The following TMEM135 variants were observed in gnomAD, a reference collection of about 807,000 sequenced individuals.
TMEM135 encodes the protein transmembrane protein 135, also known as peroxisomal membrane protein 52.
A neutral mutation model predicts 60.3 loss-of-function variants in TMEM135; 30 were observed. That is an observed-to-expected ratio of 0.50 (90% confidence interval 0.37 to 0.68). The LOEUF (loss-of-function observed/expected upper bound fraction) is 0.68. TMEM135 is among the 30% of genes least tolerant of loss of function. The probability of loss-of-function intolerance (pLI) is 0.00; values close to 1 mark genes in which losing one functional copy is unlikely to be tolerated. For missense variants in TMEM135, 468 were observed against 548.8 expected (o/e 0.85, Z 1.47); for synonymous variants, 190 against 186.7 (o/e 1.02, Z -0.14).
At chr11:87,289,740 G>C (rs1243191919) in intron 6 of TMEM135, among the ~76,000 whole-genome samples, 1 of 152,086 alleles carries the variant, frequency 6.6e-6, no homozygotes, top group African/African-American at 2.4e-5. Context: ...ACAGGTGTGA[G>C]CCACCGCGTG....
At position 87,119,655 on chromosome 11, in the gene TMEM135, C is replaced by G. The variant is rs749244001; in HGVS notation, c.396+28260C>G. ...GGTGGAGGTTGCAGTGAGCTGAGATCGTGCCACTGCACTCCAGCCTGGGTG... is the reference window on the plus strand; with the variant it reads ...GGTGGAGGTTGCAGTGAGCTGAGATGGTGCCACTGCACTCCAGCCTGGGTG... On this transcript the variant is annotated intron_variant, in intron 4 of 14. Coordinates refer to ENST00000305494, the MANE Select transcript of TMEM135 (RefSeq NM_022918.4). Among the ~76,000 whole-genome samples the G allele has an allele frequency of 3.9e-5, 6 of 152,180 alleles. 1 individual carries two copies. The highest frequency in any genetic ancestry group is 5.9e-5 in the Non-Finnish European group (4 of 68,038).
intron 4 of TMEM135, among the ~76,000 whole-genome samples, chr11:87,129,213 ATTTTTTTTTTTTT>A (rs71040295): frequency 4.7e-4 from 54 of 116,108 alleles, no homozygotes; most frequent in Non-Finnish European, 6.8e-4. Flanking sequence ...TTATTCCTTA[ATTTTTTTTTTTTT>A]TTTTTTTTTT....
At chr11:87,038,713 G>A (rs1949726209) in intron 1 of TMEM135, among the ~76,000 whole-genome samples, 1 of 150,398 alleles carries the variant, frequency 6.6e-6, no homozygotes, top group Non-Finnish European at 1.5e-5. Context: ...TGATTTGGGG[G>A]TTTTGCAAGT....
intron 6 of TMEM135, among the ~76,000 whole-genome samples, chr11:87,281,848 C>G (rs1166915649): frequency 6.6e-6 from 1 of 152,222 alleles, no homozygotes; most frequent in Non-Finnish European, 1.5e-5. Flanking sequence ...GATAAAGTTT[C>G]TCTGTTACCC....
Position 87,328,751 on chromosome 11 carries a change from A to G in TMEM135, c.*7418A>G, listed in dbSNP as rs1353987200. ...ATTTTCTTTATCCACTCATTGGTCT[A>G]TGGGCACTTTGGTTGATTCTGTATC... On this transcript the variant is annotated 3_prime_UTR_variant, in exon 15 of 15. Transcript: ENST00000305494. 1.8e-5 allele frequency: 8 copies of G among 453,920 alleles called. No individual in the cohort carries two copies. The East Asian group carries it at 2.8e-4, about 16-fold the overall frequency. The allele number at this position is 453,920 out of a possible 1,614,324, so 28.1% of individuals were successfully genotyped here.
intron 14 of TMEM135, among the ~76,000 whole-genome samples, chr11:87,319,607 C>G (rs771951008): frequency 6.6e-6 from 1 of 152,022 alleles, no homozygotes; most frequent in African/African-American, 2.4e-5. Context: ...TTGCTAACTA[C>G]TAATTAGCTG....
intron 4 of TMEM135, among the ~76,000 whole-genome samples, chr11:87,140,987 G>A (rs1015914271): frequency 6.6e-6 from 1 of 150,522 alleles, no homozygotes; most frequent in Non-Finnish European, 1.5e-5. Flanking sequence ...CTACCACACT[G>A]TCTTGATTAC....
intron 5 of TMEM135, among the ~76,000 whole-genome samples, chr11:87,179,168 A>C (rs1454746595): frequency 5.3e-5 from 8 of 151,880 alleles, no homozygotes; most frequent in Non-Finnish European, 1.2e-4. Flanking sequence ...ATTTGTATAC[A>C]TTTTGTGAAA....
At chr11:87,248,991 A>G (rs374571172) in intron 6 of TMEM135, among the ~76,000 whole-genome samples, 3 of 152,102 alleles carry the variant, frequency 2.0e-5, no homozygotes, top group African/African-American at 7.2e-5. Context: ...TGTTTATTCT[A>G]ATAGTTTTTG....
At chr11:87,177,457 A>G (rs1386885848) in intron 5 of TMEM135, among the ~76,000 whole-genome samples, 1 of 152,138 alleles carries the variant, frequency 6.6e-6, no homozygotes, top group Non-Finnish European at 1.5e-5. Context: ...AATCTTGGAA[A>G]CTTATTAGAT....
intron 5 of TMEM135, among the ~76,000 whole-genome samples, chr11:87,185,664 G>A (rs1470772246): frequency 1.3e-5 from 2 of 152,080 alleles, no homozygotes; most frequent in East Asian, 3.9e-4. Flanking sequence ...TTGCAAAATG[G>A]ATATATTCTT....
At chr11:87,293,061 A>G (rs772746692) in intron 6 of TMEM135, among the ~76,000 whole-genome samples, 12 of 152,308 alleles carry the variant, frequency 7.9e-5, no homozygotes, top group Admixed American at 2.6e-4. Context: ...TAATCTTTTA[A>G]TCAGTCTACT....
intron 6 of TMEM135, among the ~76,000 whole-genome samples, chr11:87,263,700 A>G (rs1033071628): frequency 1.3e-5 from 2 of 152,230 alleles, no homozygotes; most frequent in Admixed American, 6.5e-5. Flanking sequence ...GTATGAAGCA[A>G]AGTAGAGATT....
chr11:87,177,014 C>A (rs1476442598), intron 5 of TMEM135, among the ~76,000 whole-genome samples: 2 of 152,038 alleles, frequency 1.3e-5, no homozygotes, highest in Non-Finnish European at 2.9e-5. Flanking sequence ...TGCTAGCAGT[C>A]CTTTTGATAT....
intron 1 of TMEM135, among the ~76,000 whole-genome samples, chr11:87,063,399 G>T (rs1949967863): frequency 6.6e-6 from 1 of 152,152 alleles, no homozygotes; most frequent in African/African-American, 2.4e-5. Flanking sequence ...CAAAGCATAT[G>T]AACATTACGA....
intron 5 of TMEM135, among the ~76,000 whole-genome samples, chr11:87,172,093 G>A (rs1939252923): frequency 1.3e-5 from 2 of 152,018 alleles, no homozygotes; most frequent in Non-Finnish European, 2.9e-5. Context: ...AACTTTCACC[G>A]AGCTTGAGAA....
chr11:87,062,787 A>T (rs1169625479), intron 1 of TMEM135, among the ~76,000 whole-genome samples: 4 of 152,158 alleles, frequency 2.6e-5, no homozygotes, highest in East Asian at 1.9e-4. Context: ...AAATTACATA[A>T]TTTTAGAAGT....
chr11:87,083,879 A>G (rs557575647), intron 3 of TMEM135, among the ~76,000 whole-genome samples: 2 of 152,084 alleles, frequency 1.3e-5, no homozygotes, highest in Admixed American at 6.5e-5. Context: ...GCATTTCTTA[A>G]TAAGCCATTA....
chr11:87,190,217 A>G (rs893813680), intron 5 of TMEM135, among the ~76,000 whole-genome samples: 1 of 152,184 alleles, frequency 6.6e-6, no homozygotes, highest in African/African-American at 2.4e-5. Context: ...CCTGATAAAC[A>G]TAATCAGCAT....
Sources: allele counts gnomAD v4.1 joint callset (sites outside exome capture counted in the v4.1 genomes callset), GRCh38; gene constraint gnomAD v4.1.1; transcripts MANE v1.5; gene names NCBI Gene and HGNC (gene_info 2026-07-23, HGNC 2026-07-21).